AFF3: variants seen among roughly 807,000 people sequenced by gnomAD.
The protein encoded by AFF3 is AF4/FMR2 family member 3.
In AFF3, 32 loss-of-function variants were observed where a neutral mutation model predicts 129.7. The ratio of observed to expected loss-of-function variants is 0.25; its 90% CI spans 0.19 to 0.33. The LOEUF (loss-of-function observed/expected upper bound fraction) is 0.33. Ranked by LOEUF, AFF3 falls within the 10% of genes least tolerant of loss-of-function variation. The probability of loss-of-function intolerance (pLI) is 1.00; values close to 1 mark genes in which losing one functional copy is unlikely to be tolerated. For synonymous variants in AFF3, 644 were observed against 635.4 expected (o/e 1.01, Z -0.20); for missense variants, 1,373 against 1,592.0 (o/e 0.86, Z 2.34).
At chr2:99,791,242 C>T (rs530565842) in intron 8 of AFF3, among the ~76,000 whole-genome samples, 1 of 152,270 alleles carries the variant, frequency 6.6e-6, no homozygotes, top group South Asian at 2.1e-4. Flanking sequence ...TTGTCCCTCG[C>T]TACCCTTGGC....
At chr2:99,658,703 C>A (rs1575618696) in intron 12 of AFF3, among the ~76,000 whole-genome samples, 1 of 152,112 alleles carries the variant, frequency 6.6e-6, no homozygotes, top group Non-Finnish European at 1.5e-5. Context: ...GGTCTCAGAG[C>A]CAGTAAGTAA....
chr2:99,757,863 G>A lies in AFF3; in HGVS notation c.922-5562C>T, dbSNP rs114765181. On this transcript the variant is annotated intron_variant, in intron 8 of 24. Transcript: ENST00000672756. ...TCTTCTTTGGCCAAACCAAGCCACC[G>A]TTGACTCAACCTTCCTTTGTGCCAC... Among the ~76,000 whole-genome samples, 1,091 of 152,266 alleles carry A rather than the reference G, an allele frequency of 7.2e-3. 12 individuals are homozygous for A. Among genetic ancestry groups the A allele is most frequent in the African/African-American group, 0.025 (1,026 of 41,536 alleles).
chr2:99,720,215 T>A (rs2104941723), intron 11 of AFF3, among the ~76,000 whole-genome samples: 1 of 152,178 alleles, frequency 6.6e-6, no homozygotes, highest in South Asian at 2.1e-4. Flanking sequence ...TGGAATTTGA[T>A]CCCCAGTGTG....
At chr2:99,870,315 T>C (rs1209351257) in intron 7 of AFF3, among the ~76,000 whole-genome samples, 1 of 152,228 alleles carries the variant, frequency 6.6e-6, no homozygotes, top group Non-Finnish European at 1.5e-5. Context: ...CTGGACAACC[T>C]GCATCAACTT....
chr2:99,617,914 A>T (rs1047536681), intron 13 of AFF3, among the ~76,000 whole-genome samples: 1 of 152,174 alleles, frequency 6.6e-6, no homozygotes, highest in Non-Finnish European at 1.5e-5. Flanking sequence ...GTTGAAGCCC[A>T]GATCTCGGGC....
At chr2:99,912,643 A>G (rs1167407808) in intron 7 of AFF3, among the ~76,000 whole-genome samples, 1 of 152,222 alleles carries the variant, frequency 6.6e-6, no homozygotes, top group Non-Finnish European at 1.5e-5. Flanking sequence ...AGATAGCTAC[A>G]TACTCAATCA....
At chr2:99,695,112 T>C (rs1206668402) in intron 11 of AFF3, among the ~76,000 whole-genome samples, 1 of 152,206 alleles carries the variant, frequency 6.6e-6, no homozygotes, top group Non-Finnish European at 1.5e-5. Flanking sequence ...TTTAAACATA[T>C]GAAAATTACT....
chr2:99,624,602 C>T (rs1682365657), intron 13 of AFF3, among the ~76,000 whole-genome samples: 1 of 152,148 alleles, frequency 6.6e-6, no homozygotes, highest in South Asian at 2.1e-4. Flanking sequence ...GAGGTGAGGC[C>T]CTGGCCCGTT....
chr2:99,568,131 G>A (rs1033445218), intron 19 of AFF3, among the ~76,000 whole-genome samples: 1 of 152,204 alleles, frequency 6.6e-6, no homozygotes, highest in African/African-American at 2.4e-5. Context: ...AAGGTCACTG[G>A]AAATGCCTTC....
chr2:99,562,187 C>T (rs1196965615), intron 20 of AFF3, among the ~76,000 whole-genome samples: 2 of 152,160 alleles, frequency 1.3e-5, no homozygotes, highest in Non-Finnish European at 2.9e-5. Flanking sequence ...CTTCTTAAAT[C>T]TGTAGGTTTA....
chr2:99,957,629 A>G (rs1257657882), intron 7 of AFF3, among the ~76,000 whole-genome samples: 1 of 152,232 alleles, frequency 6.6e-6, no homozygotes, highest in African/African-American at 2.4e-5. Context: ...CAACTGGCCC[A>G]TCCAGGTTAG....
intron 14 of AFF3, among the ~76,000 whole-genome samples, chr2:99,594,613 A>G (rs987989102): frequency 2.0e-5 from 3 of 152,224 alleles, no homozygotes; most frequent in African/African-American, 7.2e-5. Flanking sequence ...TTTTTATATA[A>G]TTATATGTAC....
chr2:99,742,867 G>A (rs1049674326), intron 10 of AFF3, among the ~76,000 whole-genome samples: 11 of 152,266 alleles, frequency 7.2e-5, no homozygotes, highest in Non-Finnish European at 1.5e-4. Context: ...TTGCTCTTCT[G>A]TCTGTCAAAA....
chr2:99,918,097 T>C (rs1273947534), intron 7 of AFF3, among the ~76,000 whole-genome samples: 1 of 152,294 alleles, frequency 6.6e-6, no homozygotes, highest in Admixed American at 6.5e-5. Flanking sequence ...TCACTATTCC[T>C]TCAACCAAGA....
At chr2:99,673,606 C>A (rs1041539524) in intron 11 of AFF3, among the ~76,000 whole-genome samples, 10 of 152,204 alleles carry the variant, frequency 6.6e-5, no homozygotes, top group Non-Finnish European at 1.3e-4. Context: ...GGAGAGCCCA[C>A]TTCTGAGGGA....
At chr2:100,079,115 T>A (rs1441080347) in intron 4 of AFF3, among the ~76,000 whole-genome samples, 6 of 151,848 alleles carry the variant, frequency 4.0e-5, no homozygotes, top group Admixed American at 3.9e-4. Context: ...CCCGGCTAAT[T>A]TTTTGTATTT....
chr2:99,920,686 T>C (rs1312812319), intron 7 of AFF3, among the ~76,000 whole-genome samples: 1 of 151,606 alleles, frequency 6.6e-6, no homozygotes, highest in African/African-American at 2.4e-5. Context: ...GTATTGGAGG[T>C]CCCTGCCTGT....
intron 1 of AFF3, among the ~76,000 whole-genome samples, chr2:100,133,744 A>G (rs1692524465): frequency 6.6e-6 from 1 of 152,136 alleles, no homozygotes. Flanking sequence ...CATCCTGGCT[A>G]ACACGGTGAA....
At chr2:100,068,645 T>C (rs1181316229) in intron 4 of AFF3, among the ~76,000 whole-genome samples, 1 of 152,122 alleles carries the variant, frequency 6.6e-6, no homozygotes, top group Admixed American at 6.5e-5. Flanking sequence ...AGAGCAGAGC[T>C]TGCTAATAAT....
Sources: allele counts gnomAD v4.1 joint callset (sites outside exome capture counted in the v4.1 genomes callset), GRCh38; gene constraint gnomAD v4.1.1; transcripts MANE v1.5; gene names NCBI Gene and HGNC (gene_info 2026-07-23, HGNC 2026-07-21).